Variants in GPR158 observed in about 807,000 individuals in gnomAD.
GPR158 encodes metabotropic glycine receptor.
A neutral mutation model predicts 78.2 loss-of-function variants in GPR158; 30 were observed. That is an observed-to-expected ratio of 0.38 (90% CI 0.29 to 0.52). The LOEUF (loss-of-function observed/expected upper bound fraction) is 0.52. GPR158 is among the 20% of genes least tolerant of loss of function. GPR158 has a pLI of 0.83. For missense variants in GPR158, 1,463 were observed against 1,523.5 expected (o/e 0.96, Z 0.66); for synonymous variants, 581 against 591.1 (o/e 0.98, Z 0.25).
intron 2 of GPR158, among the ~76,000 whole-genome samples, chr10:25,294,139 T>A (rs757434143): frequency 6.6e-6 from 1 of 152,248 alleles, no homozygotes; most frequent in Non-Finnish European, 1.5e-5. Context: ...TACATTTATA[T>A]TGTTATTGTA....
At chr10:25,278,290 G>A (rs1854214826) in intron 2 of GPR158, among the ~76,000 whole-genome samples, 1 of 151,996 alleles carries the variant, frequency 6.6e-6, no homozygotes. Context: ...AAATAAAATT[G>A]ATAAAATTAA....
chr10:25,483,558 GTACT>G (rs1200113451), intron 5 of GPR158, among the ~76,000 whole-genome samples: 1 of 151,706 alleles, frequency 6.6e-6, no homozygotes, highest in Non-Finnish European at 1.5e-5. Flanking sequence ...TTTCTTACAC[GTACT>G]TATTTATTTA....
intron 1 of GPR158, among the ~76,000 whole-genome samples, chr10:25,187,722 C>G (rs1036888951): frequency 2.6e-5 from 4 of 152,134 alleles, no homozygotes; most frequent in African/African-American, 9.7e-5. Context: ...AAAACTGGCA[C>G]AAGACAGGGA....
chr10:25,304,240 T>G (rs1037501691), intron 2 of GPR158, among the ~76,000 whole-genome samples: 5 of 152,216 alleles, frequency 3.3e-5, no homozygotes, highest in Non-Finnish European at 7.3e-5. Context: ...TTGCTAAAGT[T>G]ATATCACCTT....
At chr10:25,468,551 TCTC>T (rs1180862455) in intron 5 of GPR158, among the ~76,000 whole-genome samples, 7 of 152,188 alleles carry the variant, frequency 4.6e-5, no homozygotes, top group African/African-American at 1.4e-4. Flanking sequence ...CCTTCTTCCT[TCTC>T]CTCTACCTGA....
Position 25,176,474 on chromosome 10 carries a change from C to T in GPR158, c.902+152C>T. On this transcript the variant is annotated intron_variant, in intron 1 of 10. Transcript: ENST00000376351. This position sits in a 1 kb window ranked among gnomAD's most constrained non-coding sequence, Gnocchi z 6.3. ...GACCCGGGCTGAGGGACACCCCACG[C>T]GGGCGCGGGTGCTTGGGGGCAAGAA... 1.5e-6 allele frequency: 1 copy of T among 665,036 alleles called. No individual in the cohort carries two copies. The highest frequency in any genetic ancestry group is 2.4e-6 in the Non-Finnish European group (1 of 413,650). 41.2% of individuals were successfully genotyped at this position (665,036 alleles called of 1,614,324 possible).
At chr10:25,349,963 T>C (rs889954210) in intron 2 of GPR158, among the ~76,000 whole-genome samples, 1 of 152,040 alleles carries the variant, frequency 6.6e-6, no homozygotes. Flanking sequence ...AATAATGTTA[T>C]GGAAATGTAT....
intron 7 of GPR158, among the ~76,000 whole-genome samples, chr10:25,585,287 C>T (rs12770280): frequency 0.055 from 8,329 of 152,256 alleles, 255 homozygotes; most frequent in Admixed American, 0.086. Context: ...TTTAGACTTA[C>T]TCAACAATTA....
At chr10:25,581,554 C>A (rs1837199446) in intron 7 of GPR158, among the ~76,000 whole-genome samples, 1 of 151,952 alleles carries the variant, frequency 6.6e-6, no homozygotes, top group South Asian at 2.1e-4. Context: ...TGCCCTTTAG[C>A]ATTATTCAAA....
intron 2 of GPR158, among the ~76,000 whole-genome samples, chr10:25,227,468 A>G (rs1214245545): frequency 7.2e-5 from 11 of 152,222 alleles, no homozygotes; most frequent in Admixed American, 5.2e-4. Flanking sequence ...TCACTGTCTC[A>G]TGCAACCCAG....
At chr10:25,528,594 A>G (rs992901948) in intron 5 of GPR158, among the ~76,000 whole-genome samples, 2 of 152,178 alleles carry the variant, frequency 1.3e-5, no homozygotes, top group Non-Finnish European at 2.9e-5. Context: ...TGTGCAAGAA[A>G]TCTACACTGA....
At chr10:25,540,511 T>C (rs1391419312) in intron 5 of GPR158, among the ~76,000 whole-genome samples, 1 of 152,202 alleles carries the variant, frequency 6.6e-6, no homozygotes, top group Non-Finnish European at 1.5e-5. Flanking sequence ...ATTGTGGCAC[T>C]ATTCACAATA....
intron 6 of GPR158, among the ~76,000 whole-genome samples, chr10:25,572,426 A>C (rs1837021338): frequency 6.6e-6 from 1 of 152,170 alleles, no homozygotes; most frequent in South Asian, 2.1e-4. Flanking sequence ...CAGGAGTTCA[A>C]GGATGCAGTA....
intron 1 of GPR158, among the ~76,000 whole-genome samples, chr10:25,205,200 T>C (rs1853005857): frequency 1.3e-5 from 2 of 152,070 alleles, no homozygotes; most frequent in African/African-American, 2.4e-5. Context: ...TTCAGGTATG[T>C]CTTTATCAGC....
chr10:25,196,006 G>A (rs1006468385), intron 1 of GPR158, among the ~76,000 whole-genome samples: 1 of 150,912 alleles, frequency 6.6e-6, no homozygotes, highest in Non-Finnish European at 1.5e-5. Flanking sequence ...TTTTTCCTTG[G>A]GGTTCTGAAT....
intron 2 of GPR158, among the ~76,000 whole-genome samples, chr10:25,338,676 C>T (rs1036711421): frequency 7.1e-6 from 1 of 140,478 alleles, no homozygotes; most frequent in Non-Finnish European, 1.6e-5. Context: ...ATCAATACAT[C>T]ACAGTAGTAG....
In GPR158 at chr10:25,175,347, T is replaced by G; in HGVS notation, c.-74T>G. The G allele has an allele frequency of 3.3e-6, 3 of 908,510 alleles. No individual in the cohort carries two copies. The highest frequency in any genetic ancestry group is 2.5e-5 in the East Asian group (1 of 40,792). 56.3% of individuals were successfully genotyped at this position (908,510 alleles called of 1,614,324 possible). A position where few individuals can be genotyped will look rare whatever the true frequency, so the allele number is the denominator to read the frequency against. ...AGACTCCTCGAAAAAGTCTGACTGT[T>G]GAGAAACTGACGATCCAAATTTAAA... On this transcript the variant is annotated 5_prime_UTR_variant, in exon 1 of 11. Coordinates refer to ENST00000376351, the MANE Select transcript of GPR158 (RefSeq NM_020752.3). This position sits in a 1 kb window ranked among gnomAD's most constrained non-coding sequence, Gnocchi z 6.4.
At chr10:25,264,420 G>A (rs1044493545) in intron 2 of GPR158, among the ~76,000 whole-genome samples, 1 of 152,154 alleles carries the variant, frequency 6.6e-6, no homozygotes, top group African/African-American at 2.4e-5. Context: ...TCAGTCCACA[G>A]CTATTCCAGC....
intron 1 of GPR158, among the ~76,000 whole-genome samples, chr10:25,194,660 A>G (rs1471093687): frequency 6.6e-6 from 1 of 152,190 alleles, no homozygotes; most frequent in East Asian, 1.9e-4. Flanking sequence ...CCTAGTGAAG[A>G]GTAGTCACAA....
Sources: allele counts gnomAD v4.1 joint callset (sites outside exome capture counted in the v4.1 genomes callset), GRCh38; gene constraint gnomAD v4.1.1; non-coding constraint Gnocchi (gnomAD v3.1); transcripts MANE v1.5; gene names NCBI Gene and HGNC (gene_info 2026-07-23, HGNC 2026-07-21).